KHK: variants seen among roughly 807,000 people sequenced by gnomAD.
The protein encoded by KHK is fructokinase.
In KHK, 37 loss-of-function variants were observed where a neutral mutation model predicts 36.0. The ratio of observed to expected loss-of-function variants is 1.03; its 90% CI spans 0.79 to 1.35. The LOEUF is 1.35. Among genes scored for constraint, KHK ranks in the 40% most tolerant of loss-of-function variants. The pLI, the probability that KHK is intolerant of heterozygous loss-of-function variation, is 0.00. For synonymous variants in KHK, 161 were observed against 162.8 expected (o/e 0.99, Z 0.08); for missense variants, 395 against 391.9 (o/e 1.01, Z -0.07).
chr2:27,099,059 G>A (rs1417499789), intron 5 of KHK, 137 bp from the exon 6 acceptor site: 10 of 829,776 alleles, frequency 1.2e-5, no homozygotes, highest in Middle Eastern at 2.5e-4. Flanking sequence ...CCACGTTCCC[G>A]TGGGACAGTG....
Position 27,100,495 on chromosome 2 carries a change from G to A in KHK, c.*745G>A. The A allele has an allele frequency of 1.5e-6, 2 of 1,291,010 alleles. No individual in the cohort carries two copies. The highest frequency in any genetic ancestry group is 2.0e-6 in the Non-Finnish European group (2 of 988,880). 80.0% of individuals were successfully genotyped at this position (1,291,010 alleles called of 1,614,324 possible). ...GCTGTCCTCAGGGAGGTCCGATCTG[G>A]AACACATATTGGAATTGGGGCCAAC... On this transcript the variant is annotated 3_prime_UTR_variant, in exon 8 of 8. Coordinates refer to ENST00000260598, the MANE Select transcript of KHK (RefSeq NM_006488.3).
rs1008672862 is a variant in KHK, at chr2:27,087,005, C to T, written c.-255C>T. ...ATCTGCAGGCCCAGGCAACCTGCTA[C>T]GGGAAGACCGGGGACCAAGACCTCT... is the stretch of plus-strand genomic sequence containing the variant. On this transcript the variant is annotated 5_prime_UTR_variant, in exon 1 of 8. The change creates a new upstream start codon in the 5' untranslated region. Coordinates refer to ENST00000260598, the MANE Select transcript of KHK (RefSeq NM_006488.3). 4.8e-6 allele frequency: 2 copies of T among 414,526 alleles called. No homozygotes were observed. Among genetic ancestry groups the T allele is most frequent in the South Asian group, 4.5e-5 (1 of 22,032 alleles). 25.7% of individuals were successfully genotyped at this position (414,526 alleles called of 1,614,324 possible). A position where few individuals can be genotyped will look rare whatever the true frequency, so the allele number is the denominator to read the frequency against.
In KHK at chr2:27,099,572, C is replaced by T. The variant is rs1411651658; in HGVS notation, c.806C>T (p.Ser269Phe). ...TFNASVIFSL[S>F]QGRSVQEALR... ...AATGCCTCCGTCATCTTCAGCCTCTCCCAGGGTGAGTATGGCAGCAGGAGG... is the reference window on the plus strand; with the variant it reads ...AATGCCTCCGTCATCTTCAGCCTCTTCCAGGGTGAGTATGGCAGCAGGAGG... Residue 269 changes from serine to phenylalanine, a missense_variant, in exon 7 of 8, where the codon TCC becomes TTC. Ser to Phe is a radical substitution (Grantham distance 155). Transcript: ENST00000260598. 5 of 1,614,152 alleles carry T rather than the reference C, an allele frequency of 3.1e-6. No individual in the cohort carries two copies. In the Admixed American group the frequency reaches 6.7e-5, roughly 22 times the overall value.
chr2:27,092,923 T>C (rs1670102567), intron 2 of KHK, among the ~76,000 whole-genome samples: 1 of 152,148 alleles, frequency 6.6e-6, no homozygotes, highest in African/African-American at 2.4e-5. Flanking sequence ...GAGAGTACCC[T>C]GTTCAAGGAC....
At chr2:27,093,185 T>C (rs1670116911) in intron 2 of KHK, among the ~76,000 whole-genome samples, 1 of 152,160 alleles carries the variant, frequency 6.6e-6, no homozygotes, top group African/African-American at 2.4e-5. Flanking sequence ...CTTTGAACCC[T>C]GGTTTGAAGG....
chr2:27,094,134 TCAAA>T, intron 2 of KHK: 2 of 395,278 alleles, frequency 5.1e-6, no homozygotes, highest in Non-Finnish European at 9.7e-6. Flanking sequence ...CATGCTTGGT[TCAAA>T]CAGTGTACAG....
chr2:27,087,214 A>G lies in KHK; in HGVS notation c.-46A>G. 1 of 1,501,162 alleles carries G rather than the reference A, an allele frequency of 6.7e-7. No homozygotes were observed. The highest frequency in any genetic ancestry group is 9.1e-7 in the Non-Finnish European group (1 of 1,099,906). The allele number at this position is 1,501,162 out of a possible 1,614,324, so 93.0% of individuals were successfully genotyped here. A position where few individuals can be genotyped will look rare whatever the true frequency, so the allele number is the denominator to read the frequency against. ...TCCTGGATAAGAGGCAGAGGCCGGGAGGAACCCCGTCAGCCGGGCGGGCAG... is the reference window on the plus strand; with the variant it reads ...TCCTGGATAAGAGGCAGAGGCCGGGGGGAACCCCGTCAGCCGGGCGGGCAG... On this transcript the variant is annotated 5_prime_UTR_variant, in exon 1 of 8. Coordinates refer to ENST00000260598, the MANE Select transcript of KHK (RefSeq NM_006488.3).
In KHK at chr2:27,087,181, C is replaced by A; in HGVS notation, c.-79C>A. 1 of 1,241,026 alleles carries A rather than the reference C, an allele frequency of 8.1e-7. No individual in the cohort carries two copies. The highest frequency in any genetic ancestry group is 1.1e-6 in the Non-Finnish European group (1 of 869,884). The allele number at this position is 1,241,026 out of a possible 1,614,324, so 76.9% of individuals were successfully genotyped here. The stretch of plus-strand genomic sequence containing the variant: ...GAGCCAGGGCAGCTGGGAGCGGGGA[C>A]ACCATCCTCCTGGATAAGAGGCAGA... On this transcript the variant is annotated 5_prime_UTR_variant, in exon 1 of 8. Coordinates refer to ENST00000260598, the MANE Select transcript of KHK (RefSeq NM_006488.3).
intron 1 of KHK, among the ~76,000 whole-genome samples, chr2:27,088,667 GC>G (rs1229131314): frequency 6.6e-6 from 1 of 151,148 alleles, no homozygotes; most frequent in Non-Finnish European, 1.5e-5. Context: ...CAAGTGATCT[GC>G]CCGTCTCAGT....
chr2:27,099,679 G>T lies in KHK; in HGVS notation c.826G>T (p.Glu276Ter), dbSNP rs761486852. The T allele has an allele frequency of 1.2e-6, 2 of 1,614,154 alleles. No individual in the cohort carries two copies. Among genetic ancestry groups the T allele is most frequent in the East Asian group, 2.2e-5 (1 of 44,864 alleles). ...FSLSQGRSVQ[E>*]ALRFGCQVAG... ...CCCTCCTCCAGGGAGGAGCGTGCAG[G>T]AAGCACTGAGATTCGGGTGCCAGGT... The change falls in exon 8 of 8, where the codon GAA becomes TAA. Residue 276 changes from glutamate (E) to a stop codon, truncating the protein, a stop_gained. Transcript: ENST00000260598. LOFTEE classifies it high-confidence loss of function.
Position 27,087,211 on chromosome 2 carries a change from G to C in KHK, c.-49G>C. On this transcript the variant is annotated 5_prime_UTR_variant, in exon 1 of 8. Transcript: ENST00000260598. ...TCCTCCTGGATAAGAGGCAGAGGCC[G>C]GGAGGAACCCCGTCAGCCGGGCGGG... The C allele has an allele frequency of 1.3e-6, 2 of 1,488,282 alleles. No individual in the cohort carries two copies. Among genetic ancestry groups the C allele is most frequent in the Non-Finnish European group, 1.8e-6 (2 of 1,088,566 alleles). 92.2% of individuals were successfully genotyped at this position (1,488,282 alleles called of 1,614,324 possible).
At chr2:27,096,337 G>A (rs1168952676) in intron 3 of KHK, among the ~76,000 whole-genome samples, 1 of 152,172 alleles carries the variant, frequency 6.6e-6, no homozygotes, top group Non-Finnish European at 1.5e-5. Flanking sequence ...GACAGCCCAG[G>A]CAGGGGGTCG....
chr2:27,093,984 C>A (rs1472408440), intron 2 of KHK, among the ~76,000 whole-genome samples: 1 of 152,186 alleles, frequency 6.6e-6, no homozygotes. Flanking sequence ...AGAGGAATCA[C>A]AGCATTAGGA....
intron 4 of KHK, 49 bp downstream of exon 4, chr2:27,096,850 C>T: frequency 7.4e-7 from 1 of 1,359,706 alleles, no homozygotes; most frequent in South Asian, 1.2e-5. Context: ...TGCCAGCCTC[C>T]TCCACATGTT....
In KHK at chr2:27,087,067, G is replaced by T; in HGVS notation, c.-193G>T. 1 of 542,482 alleles carries T rather than the reference G, an allele frequency of 1.8e-6. No homozygotes were observed. Among genetic ancestry groups the T allele is most frequent in the South Asian group, 2.4e-5 (1 of 41,302 alleles). 33.6% of individuals were successfully genotyped at this position (542,482 alleles called of 1,614,324 possible). ...CCTAGACCCGCTCGGGTCTTCGGGT[G>T]TCGCGAGGAAGGGCCCTGCTCCTTT... On this transcript the variant is annotated 5_prime_UTR_variant, in exon 1 of 8. Coordinates refer to ENST00000260598, the MANE Select transcript of KHK (RefSeq NM_006488.3).
chr2:27,095,442 A>C (rs1051202852), intron 3 of KHK, among the ~76,000 whole-genome samples: 3 of 152,182 alleles, frequency 2.0e-5, no homozygotes, highest in African/African-American at 7.2e-5. Context: ...TTCCAGCATG[A>C]TGAAGCCAGG....
In KHK at chr2:27,096,784, AAGTG is replaced by A. The variant is rs1670380337; in HGVS notation, c.401_404del (p.Lys134ArgfsTer13). The A allele has an allele frequency of 6.2e-7, 1 of 1,613,824 alleles. No homozygotes were observed. The highest frequency in any genetic ancestry group is 1.3e-5 in the African/African-American group (1 of 74,920). On this transcript the variant is annotated frameshift_variant, in exon 4 of 8. Transcript: ENST00000260598. LOFTEE classifies it high-confidence loss of function. ...TGAGAAGGTTGATCTGACCCAGTTC[AAGTG>A]GATCCACATTGAGGTAAGCCCTGCC...
In KHK at chr2:27,087,245, T is replaced by G. The variant is rs763655731; in HGVS notation, c.-15T>G. The G allele has an allele frequency of 2.5e-6, 4 of 1,574,934 alleles. No homozygotes were observed. In the East Asian group the frequency reaches 9.3e-5, roughly 37 times the overall value. On this transcript the variant is annotated 5_prime_UTR_variant, in exon 1 of 8. Coordinates refer to ENST00000260598, the MANE Select transcript of KHK (RefSeq NM_006488.3). ...CCCGTCAGCCGGGCGGGCAGGAAGC[T>G]CTGGGAGTAGCCTCATGGAAGAGAA... is the stretch of plus-strand genomic sequence containing the variant.
chr2:27,087,468 C>T (rs1163514081), intron 1 of KHK, 117 bp downstream of exon 1: 5 of 725,624 alleles, frequency 6.9e-6, no homozygotes, highest in South Asian at 3.7e-5. Context: ...GCTTCAAGGC[C>T]GGACCCGCGC....
Sources: gnomAD v4.1 joint callset for allele counts (sites outside exome capture counted in the v4.1 genomes callset) on GRCh38, gnomAD v4.1.1 for gene constraint, MANE v1.5 for transcripts, NCBI Gene and HGNC (gene_info 2026-07-23, HGNC 2026-07-21) for gene names.